CARMIL1: variants seen among roughly 807,000 people sequenced by gnomAD.
CARMIL1 encodes capping protein regulator and myosin 1 linker 1, also known as F-actin-uncapping protein LRRC16A.
In CARMIL1, 90 loss-of-function variants were observed where a neutral mutation model predicts 177.1. The observed-to-expected ratio is 0.51, with a 90% confidence interval of 0.43 to 0.61. The LOEUF (loss-of-function observed/expected upper bound fraction) is 0.61. Ranked by LOEUF, CARMIL1 falls within the 20% of genes least tolerant of loss-of-function variation. The probability of loss-of-function intolerance (pLI) is 0.00; values close to 1 mark genes in which losing one functional copy is unlikely to be tolerated. For synonymous variants in CARMIL1, 577 were observed against 606.2 expected, an observed-to-expected ratio of 0.95 and a Z score of 0.71; for missense variants, 1,380 against 1,667.0, an observed-to-expected ratio of 0.83 and a Z score of 3.00.
At chr6:25,373,819 G>A (rs1211731287) in intron 2 of CARMIL1, among the ~76,000 whole-genome samples, 1 of 152,034 alleles carries the variant, frequency 6.6e-6, no homozygotes, top group African/African-American at 2.4e-5. Flanking sequence ...TCCTGACCTC[G>A]TGATCCGTCT....
intron 2 of CARMIL1, among the ~76,000 whole-genome samples, chr6:25,397,615 A>G (rs1033189311): frequency 6.6e-6 from 1 of 152,206 alleles, no homozygotes; most frequent in Non-Finnish European, 1.5e-5. Context: ...TGAAGAGGCC[A>G]TTATTTGACA....
At chr6:25,421,794 C>G (rs1389726890) in intron 3 of CARMIL1, among the ~76,000 whole-genome samples, 1 of 145,736 alleles carries the variant, frequency 6.9e-6, no homozygotes, top group East Asian at 2.1e-4. Context: ...ACCGCATGTT[C>G]TCACTCATAG....
intron 9 of CARMIL1, among the ~76,000 whole-genome samples, chr6:25,468,201 T>TTA (rs1554202907): frequency 6.7e-6 from 1 of 149,590 alleles, no homozygotes; most frequent in Non-Finnish European, 1.5e-5. Context: ...CAAGGATTTT[T>TTA]AAAAAAAAAA....
At chr6:25,335,504 C>G (rs1786119565) in intron 2 of CARMIL1, among the ~76,000 whole-genome samples, 1 of 152,168 alleles carries the variant, frequency 6.6e-6, no homozygotes, top group Non-Finnish European at 1.5e-5. Context: ...TGTTTTTAAT[C>G]TCCTTGTGAT....
At chr6:25,488,832 A>G (rs998877058) in intron 13 of CARMIL1, among the ~76,000 whole-genome samples, 14 of 151,984 alleles carry the variant, frequency 9.2e-5, no homozygotes, top group African/African-American at 3.4e-4. Context: ...ATTTTTTTGG[A>G]AGTAATGCTG....
At chr6:25,529,592 A>G (rs1488425914) in intron 24 of CARMIL1, among the ~76,000 whole-genome samples, 2 of 152,100 alleles carry the variant, frequency 1.3e-5, no homozygotes, top group East Asian at 3.8e-4. Flanking sequence ...TTTAAAAAAA[A>G]TTGTTATTGT....
intron 8 of CARMIL1, among the ~76,000 whole-genome samples, chr6:25,465,071 C>CAAAAAAAAA (rs558022196): frequency 1.8e-4 from 11 of 61,978 alleles, no homozygotes; most frequent in East Asian, 4.8e-4. Flanking sequence ...AGAACTAAAG[C>CAAAAAAAAA]AAAAAAAAAA....
chr6:25,441,337 A>ATATATATATATATGTGTGTG lies in CARMIL1; in HGVS notation c.371+5734_371+5735insATATATATATATGTGTGTGT. ...CAAACAAACATATATATATATATAT[A>ATATATATATATATGTGTGTG]TGTGTGTGTGTGTGTGTGTGTGTGT... On this transcript the variant is annotated intron_variant, in intron 5 of 36. Coordinates refer to ENST00000329474, the MANE Select transcript of CARMIL1 (RefSeq NM_017640.6). Among the ~76,000 whole-genome samples the ATATATATATATATGTGTGTG allele has an allele frequency of 3.5e-3, 326 of 94,476 alleles. 1 individual carries two copies. Among genetic ancestry groups the ATATATATATATATGTGTGTG allele is most frequent in the East Asian group, 0.014 (41 of 2,900 alleles). The allele number at this position is 94,476 out of a possible 152,430, so 62.0% of individuals were successfully genotyped here.
chr6:25,441,387 GTGTA>G (rs1209530740), intron 5 of CARMIL1, among the ~76,000 whole-genome samples: 1 of 147,766 alleles, frequency 6.8e-6, no homozygotes, highest in African/African-American at 2.5e-5. Context: ...GTGTGTGTGT[GTGTA>G]TGTATATGTA....
At chr6:25,328,929 A>G (rs1323308374) in intron 2 of CARMIL1, among the ~76,000 whole-genome samples, 1 of 152,202 alleles carries the variant, frequency 6.6e-6, no homozygotes, top group Admixed American at 6.5e-5. Context: ...TGAGTCCAGG[A>G]CATCAAATCT....
intron 2 of CARMIL1, among the ~76,000 whole-genome samples, chr6:25,316,414 T>C (rs1462178285): frequency 7.1e-6 from 1 of 140,676 alleles, no homozygotes; most frequent in Non-Finnish European, 1.5e-5. Context: ...TAGTTTATAT[T>C]CCAGAGGGCT....
intron 4 of CARMIL1, among the ~76,000 whole-genome samples, chr6:25,431,298 G>A (rs1182949592): frequency 2.0e-5 from 3 of 152,006 alleles, no homozygotes; most frequent in African/African-American, 7.3e-5. Flanking sequence ...TTGTGTGTAT[G>A]TGGAGTTTGT....
In CARMIL1 at chr6:25,510,459, A is replaced by G. The variant is rs1329877939; in HGVS notation, c.1478-48A>G. ...TTAATTGTGTTCCAGCTGAAAATTA[A>G]TTTATACACATGTGTTTTGATGTTC... On this transcript the variant is annotated intron_variant, in intron 18 of 36. Transcript: ENST00000329474. 3.5e-6 allele frequency: 4 copies of G among 1,138,942 alleles called. No individual in the cohort carries two copies. The African/African-American group carries it at 6.3e-5, about 18-fold the overall frequency. 70.6% of individuals were successfully genotyped at this position (1,138,942 alleles called of 1,614,324 possible).
rs1043645092 is a variant in CARMIL1 at position 25,524,186 on chromosome 6, A to G, written c.1968+3849A>G. Among the ~76,000 whole-genome samples the G allele has an allele frequency of 3.3e-5, 5 of 152,302 alleles. 1 individual carries two copies. The highest frequency in any genetic ancestry group is 3.3e-4 in the Admixed American group (5 of 15,298). The stretch of plus-strand genomic sequence containing the variant: ...CGCCCTCTCTAACCTGTCTCACATA[A>G]GGGATAGGGTTGAAAAGGATAAGAA... On this transcript the variant is annotated intron_variant, in intron 23 of 36. Coordinates refer to ENST00000329474, the MANE Select transcript of CARMIL1 (RefSeq NM_017640.6).
intron 33 of CARMIL1, among the ~76,000 whole-genome samples, chr6:25,601,136 C>T (rs1344009264): frequency 2.6e-5 from 4 of 152,108 alleles, no homozygotes; most frequent in African/African-American, 9.7e-5. Context: ...TTTTTGCCCT[C>T]GCTGGGTTTA....
At chr6:25,324,930 G>A (rs553241992) in intron 2 of CARMIL1, among the ~76,000 whole-genome samples, 1 of 152,188 alleles carries the variant, frequency 6.6e-6, no homozygotes, top group South Asian at 2.1e-4. Flanking sequence ...AGAAGTGGAA[G>A]AGCTAGGATA....
intron 23 of CARMIL1, 51 bp downstream of exon 23, chr6:25,520,388 G>A: frequency 1.0e-6 from 1 of 1,003,472 alleles, no homozygotes; most frequent in Non-Finnish European, 1.5e-6. Flanking sequence ...TTGAATTGTG[G>A]TTATGTTCCT....
chr6:25,591,107 C>CT (rs1814256424), intron 31 of CARMIL1, among the ~76,000 whole-genome samples: 1 of 152,148 alleles, frequency 6.6e-6, no homozygotes, highest in Non-Finnish European at 1.5e-5. Flanking sequence ...ACTAATGCAC[C>CT]TAATTGTCCT....
chr6:25,337,545 C>G (rs115684586), intron 2 of CARMIL1, among the ~76,000 whole-genome samples: 1 of 152,284 alleles, frequency 6.6e-6, no homozygotes, highest in African/African-American at 2.4e-5. Flanking sequence ...CCAACATCCT[C>G]GAACAGATCC....
Sources: gnomAD v4.1 joint callset for allele counts (sites outside exome capture counted in the v4.1 genomes callset) on GRCh38, gnomAD v4.1.1 for gene constraint, MANE v1.5 for transcripts, NCBI Gene and HGNC (gene_info 2026-07-23, HGNC 2026-07-21) for gene names.